Variants in COL10A1 observed in about 807,000 individuals in gnomAD.
The protein encoded by COL10A1 is collagen alpha-1(X) chain.
In COL10A1, 10 loss-of-function variants were observed where a neutral mutation model predicts 18.2. That is an observed-to-expected ratio of 0.55 (90% CI 0.34 to 0.93). The LOEUF (loss-of-function observed/expected upper bound fraction) is 0.93, where lower values mean the gene tolerates loss of function less well. COL10A1 is among the 40% of genes least tolerant of loss of function. COL10A1 has a pLI of 0.02. For synonymous variants in COL10A1, 330 were observed against 316.6 expected (o/e 1.04, Z -0.45); for missense variants, 897 against 853.5 (o/e 1.05, Z -0.64).
chr6:116,141,843 C>T (rs967492192), intron 1 of COL10A1, among the ~76,000 whole-genome samples: 1 of 146,068 alleles, frequency 6.8e-6, no homozygotes, highest in African/African-American at 2.6e-5. Flanking sequence ...AAAATCCTTA[C>T]ATAGAGTCTT....
upstream of COL10A1, among the ~76,000 whole-genome samples, chr6:116,127,966 A>G (rs572799224): frequency 1.3e-5 from 2 of 152,060 alleles, no homozygotes; most frequent in Non-Finnish European, 2.9e-5. Context: ...AGTTTGGACT[A>G]GGTGGTTTCT....
the COL10A1 span, among the ~76,000 whole-genome samples, chr6:116,166,933 A>G: frequency 1.3e-5 from 2 of 152,166 alleles, no homozygotes; most frequent in Non-Finnish European, 1.5e-5. Flanking sequence ...CCAAGGAAGT[A>G]TCTTGCCTTC....
chr6:116,131,654 G>A (rs1054058564), intron 1 of COL10A1, among the ~76,000 whole-genome samples: 1 of 152,036 alleles, frequency 6.6e-6, no homozygotes, highest in African/African-American at 2.4e-5. Flanking sequence ...GTTATTTCCT[G>A]TCTTTTGCCA....
Position 116,125,350 on chromosome 6 carries a change from A to G in COL10A1, c.143T>C (p.Ile48Thr), listed in dbSNP as rs1373082684. ...ACAATTCAATTTACCTTTACTCTTT[A>G]TGGTGTAGGGAATGAAGAACTGTGT... ...TKTQFFIPYTIKSKGIAVRGE... is the reference protein window; with the variant it reads ...TKTQFFIPYTTKSKGIAVRGE... Residue 48 changes from isoleucine to threonine, a missense_variant, in exon 2 of 3, where the codon ATA becomes ACA. Transcript: ENST00000651968. 1.5e-5 allele frequency: 25 copies of G among 1,613,656 alleles called. No individual in the cohort carries two copies. Among genetic ancestry groups the G allele is most frequent in the Non-Finnish European group, 2.1e-5 (25 of 1,179,728 alleles).
At chr6:116,126,490 G>A (rs1765389649), upstream of COL10A1, among the ~76,000 whole-genome samples, 1 of 152,008 alleles carries the variant, frequency 6.6e-6, no homozygotes, top group Admixed American at 6.6e-5. Flanking sequence ...ATAATATGTG[G>A]TAGTACATAA....
At chr6:116,208,872 T>C in the COL10A1 span, among the ~76,000 whole-genome samples, 1 of 151,978 alleles carries the variant, frequency 6.6e-6, no homozygotes, top group Non-Finnish European at 1.5e-5. Flanking sequence ...ATCTGGCTCA[T>C]AGAATATACT....
chr6:116,138,591 CGAA>C (rs1779683423), intron 1 of COL10A1, among the ~76,000 whole-genome samples: 1 of 152,166 alleles, frequency 6.6e-6, no homozygotes, highest in East Asian at 1.9e-4. Context: ...GTTTTTATTT[CGAA>C]GAAGTGTCAA....
the COL10A1 span, among the ~76,000 whole-genome samples, chr6:116,207,265 A>G: frequency 6.6e-6 from 1 of 151,368 alleles, no homozygotes; most frequent in African/African-American, 2.4e-5. Flanking sequence ...ATGGGAAAAA[A>G]TATTTCTGTA....
chr6:116,180,032 G>A, the COL10A1 span, among the ~76,000 whole-genome samples: 2 of 151,946 alleles, frequency 1.3e-5, no homozygotes, highest in African/African-American at 2.4e-5. Flanking sequence ...GTTTTTTATT[G>A]CAAAATACCG....
chr6:116,188,849 G>A, the COL10A1 span, among the ~76,000 whole-genome samples: 1 of 151,816 alleles, frequency 6.6e-6, no homozygotes, highest in South Asian at 2.1e-4. Context: ...TTTAAGGAGA[G>A]AAGGCCTATT....
chr6:116,185,523 CTG>C, the COL10A1 span, among the ~76,000 whole-genome samples: 13 of 151,850 alleles, frequency 8.6e-5, no homozygotes, highest in Non-Finnish European at 1.3e-4. Flanking sequence ...CTAGTAGTAA[CTG>C]TTTTATAAAT....
upstream of COL10A1, among the ~76,000 whole-genome samples, chr6:116,127,963 A>T (rs545099922): frequency 1.3e-3 from 202 of 152,146 alleles, 1 homozygote; most frequent in African/African-American, 4.8e-3. Flanking sequence ...AAAAGTTTGG[A>T]CTAGGTGGTT....
chr6:116,133,555 CAGACCACCAAGAAACCCAT>C (rs1554194399), intron 1 of COL10A1, among the ~76,000 whole-genome samples: 1 of 152,178 alleles, frequency 6.6e-6, no homozygotes, highest in Non-Finnish European at 1.5e-5. Context: ...TGTGGCAACA[CAGACCACCAAGAAACCCAT>C]CGTCAAAACG....
the COL10A1 span, among the ~76,000 whole-genome samples, chr6:116,178,127 G>GTT: frequency 6.6e-6 from 1 of 151,516 alleles, no homozygotes; most frequent in Non-Finnish European, 1.5e-5. Flanking sequence ...GTGTGTGTGT[G>GTT]TGTGTGTTTA....
chr6:116,193,850 C>G, the COL10A1 span, among the ~76,000 whole-genome samples: 1 of 151,958 alleles, frequency 6.6e-6, no homozygotes, highest in Non-Finnish European at 1.5e-5. Context: ...ACAGGCAGAT[C>G]ACTTGAGCCC....
At chr6:116,162,732 T>G (rs944606871), upstream of COL10A1, among the ~76,000 whole-genome samples, 3 of 152,148 alleles carry the variant, frequency 2.0e-5, no homozygotes, top group African/African-American at 7.2e-5. Context: ...GGCCCATAGT[T>G]TTCTGTTTTT....
the COL10A1 span, among the ~76,000 whole-genome samples, chr6:116,181,656 G>A: frequency 6.6e-6 from 1 of 151,704 alleles, no homozygotes; most frequent in East Asian, 1.9e-4. Flanking sequence ...ACAATCAATT[G>A]GAAACTTACA....
chr6:116,176,867 C>G, the COL10A1 span, among the ~76,000 whole-genome samples: 1 of 152,174 alleles, frequency 6.6e-6, no homozygotes, highest in Non-Finnish European at 1.5e-5. Context: ...GTCCTGTGAT[C>G]TTCTCACTTC....
intron 1 of COL10A1, among the ~76,000 whole-genome samples, chr6:116,131,635 G>C (rs1214159983): frequency 6.6e-6 from 1 of 152,088 alleles, no homozygotes; most frequent in Non-Finnish European, 1.5e-5. Context: ...CCTATAGGTG[G>C]ACATCTGTGT....
Sources: allele counts gnomAD v4.1 joint callset (sites outside exome capture counted in the v4.1 genomes callset), GRCh38; gene constraint gnomAD v4.1.1; transcripts MANE v1.5; gene names NCBI Gene and HGNC (gene_info 2026-07-23, HGNC 2026-07-21).